AGO1: variants seen among roughly 807,000 people sequenced by gnomAD.
AGO1 encodes argonaute RISC component 1, also known as protein argonaute-1.
Under a neutral mutation model 109.2 loss-of-function variants are expected in AGO1, and 11 were observed. That is an observed-to-expected ratio of 0.10 (90% CI 0.06 to 0.17). The LOEUF (loss-of-function observed/expected upper bound fraction) is 0.17, where lower values mean the gene tolerates loss of function less well. Among genes scored for constraint, AGO1 ranks in the 10% least tolerant of loss-of-function variants. AGO1 has a pLI of 1.00. For synonymous variants in AGO1, 422 were observed against 418.6 expected (o/e 1.01, Z -0.10); for missense variants, 574 against 1,140.3 (o/e 0.50, Z 7.15).
rs147468270 is a variant in AGO1 at position 35,872,903 on chromosome 1, TTTTG to T, written c.-201+3028_-201+3031del. On this transcript the variant is annotated intron_variant, in intron 1 of 18. Transcript: ENST00000373206. ...GGTCTATTTCTGTTCTTTTCAGTTTTTTTGTTTGTTTGTTTGTTTGTTTGTTTGT... is the reference window on the plus strand; with the variant it reads ...GGTCTATTTCTGTTCTTTTCAGTTTTTTTGTTTGTTTGTTTGTTTGTTTGT... Among the ~76,000 whole-genome samples the T allele has an allele frequency of 4.6e-3, 698 of 151,890 alleles. 4 individuals are homozygous for T. The highest frequency in any genetic ancestry group is 0.011 in the African/African-American group (451 of 41,314).
At position 35,923,588 on chromosome 1, in the gene AGO1, A is replaced by G. The variant is rs558270328; in HGVS notation, c.*3981A>G. 5 of 152,794 alleles carry G rather than the reference A, an allele frequency of 3.3e-5. No individual in the cohort carries two copies. The highest frequency in any genetic ancestry group is 1.2e-4 in the African/African-American group (5 of 41,588). The allele number at this position is 152,794 out of a possible 1,614,324, so 9.5% of individuals were successfully genotyped here. A position where few individuals can be genotyped will look rare whatever the true frequency, so the allele number is the denominator to read the frequency against. On this transcript the variant is annotated 3_prime_UTR_variant, in exon 19 of 19. Transcript: ENST00000373204. ...CTTAAAATCTGATCATGGCAGGGAT[A>G]TGCAGGGCACTTTTTACTATTTGGC...
At chr1:35,872,974 G>A (rs886254580) in intron 1 of AGO1, among the ~76,000 whole-genome samples, 9 of 151,714 alleles carry the variant, frequency 5.9e-5, no homozygotes, top group Non-Finnish European at 7.4e-5. Flanking sequence ...GGCTGGTCTT[G>A]AACTCAGGGC....
At position 35,883,974 on chromosome 1, in the gene AGO1, C is replaced by T. The variant is rs751689949; in HGVS notation, c.25+528C>T. The stretch of plus-strand genomic sequence containing the variant: ...TGGGGACCCAGTCCCGGGATTACCC[C>T]CCGTGGGTCTGGGGAGTCGGAGCGG... On this transcript the variant is annotated intron_variant, in intron 1 of 18. Transcript: ENST00000373204. This position sits in a 1 kb window ranked among gnomAD's most constrained non-coding sequence, Gnocchi z 5.4. Among the ~76,000 whole-genome samples, 1 of 152,216 alleles carries T rather than the reference C, an allele frequency of 6.6e-6. No homozygotes were observed. The highest frequency in any genetic ancestry group is 1.9e-4 in the East Asian group (1 of 5,198).
At chr1:35,917,828 T>C in intron 16 of AGO1, 101 bp downstream of exon 16, 10 of 1,499,392 alleles carry the variant, frequency 6.7e-6, no homozygotes, top group Non-Finnish European at 9.0e-6. Flanking sequence ...GTCCTTGTCC[T>C]ATCTATCCTC....
intron 7 of AGO1, among the ~76,000 whole-genome samples, 192 bp from the exon 8 acceptor site, chr1:35,894,930 C>T (rs561832713): frequency 6.6e-6 from 1 of 152,148 alleles, no homozygotes; most frequent in South Asian, 2.1e-4. Flanking sequence ...CCCTGTATGT[C>T]CTGTTTTCCC....
intron 11 of AGO1, among the ~76,000 whole-genome samples, chr1:35,904,503 G>A (rs1414358781): frequency 6.6e-6 from 1 of 152,140 alleles, no homozygotes; most frequent in East Asian, 1.9e-4. Flanking sequence ...CTTCATTGTA[G>A]TTCTATTCTC....
At position 35,888,311 on chromosome 1, in the gene AGO1, G is replaced by T; in HGVS notation, c.26-116G>T. On this transcript the variant is annotated intron_variant, in intron 1 of 18. Coordinates refer to ENST00000373204, the MANE Select transcript of AGO1 (RefSeq NM_012199.5). This position sits in a 1 kb window ranked among gnomAD's most constrained non-coding sequence, Gnocchi z 4.1. ...AGCCCTTGGCTGGGTTGGGTAGCAG[G>T]AAAGAGGCATTCTCTATACTCTCGT... 1 of 1,064,676 alleles carries T rather than the reference G, an allele frequency of 9.4e-7. No homozygotes were observed. 66.0% of individuals were successfully genotyped at this position (1,064,676 alleles called of 1,614,324 possible).
chr1:35,875,789 C>G (rs1207562471), intron 1 of AGO1, among the ~76,000 whole-genome samples: 1 of 152,174 alleles, frequency 6.6e-6, no homozygotes, highest in Non-Finnish European at 1.5e-5. Context: ...ATTACTGCTC[C>G]TTGACAGTGC....
At chr1:35,872,726 TG>T (rs1053475049) in intron 1 of AGO1, among the ~76,000 whole-genome samples, 2 of 151,926 alleles carry the variant, frequency 1.3e-5, no homozygotes, top group Non-Finnish European at 2.9e-5. Flanking sequence ...GATGTACCAC[TG>T]GGCCCAGCTA....
Position 35,883,508 on chromosome 1 carries a change from A to G in AGO1, c.25+62A>G, listed in dbSNP as rs1276642961. On this transcript the variant is annotated intron_variant, in intron 1 of 18. Transcript: ENST00000373204. The surrounding 1 kb of genome is among the most constrained non-coding windows in gnomAD (Gnocchi z 5.4). The stretch of plus-strand genomic sequence containing the variant: ...AAGGACTGGGGGATCCCGCATGAAA[A>G]GCGTGGTTTCCAAGTGATGGAAGCG... The G allele has an allele frequency of 1.4e-6, 2 of 1,479,750 alleles. No homozygotes were observed. Among genetic ancestry groups the G allele is most frequent in the Admixed American group, 5.6e-5 (2 of 35,842 alleles). The allele number at this position is 1,479,750 out of a possible 1,614,324, so 91.7% of individuals were successfully genotyped here. A position where few individuals can be genotyped will look rare whatever the true frequency, so the allele number is the denominator to read the frequency against.
intron 8 of AGO1, among the ~76,000 whole-genome samples, chr1:35,899,921 A>C (rs1216921023): frequency 6.6e-6 from 1 of 152,204 alleles, no homozygotes; most frequent in Non-Finnish European, 1.5e-5. Flanking sequence ...AACATCACCT[A>C]GAAATGGCAA....
chr1:35,919,734 C>T lies in AGO1; in HGVS notation c.*127C>T, dbSNP rs1571381191. 2 of 806,222 alleles carry T rather than the reference C, an allele frequency of 2.5e-6. No homozygotes were observed. Among genetic ancestry groups the T allele is most frequent in the East Asian group, 2.7e-5 (1 of 37,134 alleles). The allele number at this position is 806,222 out of a possible 1,614,324, so 49.9% of individuals were successfully genotyped here. A position where few individuals can be genotyped will look rare whatever the true frequency, so the allele number is the denominator to read the frequency against. On this transcript the variant is annotated 3_prime_UTR_variant, in exon 19 of 19. Transcript: ENST00000373204. The surrounding 1 kb of genome is among the most constrained non-coding windows in gnomAD (Gnocchi z 6.6). The stretch of plus-strand genomic sequence containing the variant: ...GGGAGGAGTGTAGGATGCCTTGTTT[C>T]CTTCTATAGAGGTGGTGTAAGAGTG...
chr1:35,883,543 G>A lies in AGO1; in HGVS notation c.25+97G>A. 1 of 1,427,232 alleles carries A rather than the reference G, an allele frequency of 7.0e-7. No homozygotes were observed. The highest frequency in any genetic ancestry group is 9.2e-7 in the Non-Finnish European group (1 of 1,088,910). 88.4% of individuals were successfully genotyped at this position (1,427,232 alleles called of 1,614,324 possible). On this transcript the variant is annotated intron_variant, in intron 1 of 18. Transcript: ENST00000373204. The surrounding 1 kb of genome is among the most constrained non-coding windows in gnomAD (Gnocchi z 5.4). ...CCAAGTGATGGAAGCGCTCCTGAGTGAGGAGAAGGGCTCTCCCACGATGGG... is the reference window on the plus strand; with the variant it reads ...CCAAGTGATGGAAGCGCTCCTGAGTAAGGAGAAGGGCTCTCCCACGATGGG...
intron 8 of AGO1, among the ~76,000 whole-genome samples, chr1:35,895,875 C>T (rs994815425): frequency 6.6e-6 from 1 of 152,190 alleles, no homozygotes; most frequent in Non-Finnish European, 1.5e-5. Context: ...AAACTACTGC[C>T]TACTGCTTCA....
At position 35,896,059 on chromosome 1, in the gene AGO1, G is replaced by A. The variant is rs550840350; in HGVS notation, c.1020+790G>A. Among the ~76,000 whole-genome samples the A allele has an allele frequency of 2.0e-5, 3 of 152,200 alleles. No individual in the cohort carries two copies. In the East Asian group the frequency reaches 5.8e-4, roughly 29 times the overall value. On this transcript the variant is annotated intron_variant, in intron 8 of 18. Coordinates refer to ENST00000373204, the MANE Select transcript of AGO1 (RefSeq NM_012199.5). Reference sequence around the variant, plus strand: ...TTGTTGCCCAGGCTGGAGTGCAATGGCATGATGTTGGCTCACTGCAACCTC... The same window carrying A: ...TTGTTGCCCAGGCTGGAGTGCAATGACATGATGTTGGCTCACTGCAACCTC...
chr1:35,914,999 ATTGT>A (rs1427575181), intron 14 of AGO1, among the ~76,000 whole-genome samples: 2 of 152,150 alleles, frequency 1.3e-5, no homozygotes, highest in African/African-American at 2.4e-5. Flanking sequence ...GGATGAGGCC[ATTGT>A]TTGATTTAGT....
chr1:35,871,356 G>T (rs1447529431), intron 1 of AGO1, among the ~76,000 whole-genome samples: 1 of 151,402 alleles, frequency 6.6e-6, no homozygotes, highest in Non-Finnish European at 1.5e-5. Context: ...GACCAGTCTG[G>T]TCAACATGAA....
Position 35,926,862 on chromosome 1 carries a change from C to T in AGO1, c.*7255C>T, listed in dbSNP as rs1285655950. The T allele has an allele frequency of 6.6e-6, 1 of 152,030 alleles. No individual in the cohort carries two copies. Among genetic ancestry groups the T allele is most frequent in the African/African-American group, 2.4e-5 (1 of 41,386 alleles). The allele number at this position is 152,030 out of a possible 1,614,324, so 9.4% of individuals were successfully genotyped here. A position where few individuals can be genotyped will look rare whatever the true frequency, so the allele number is the denominator to read the frequency against. ...GGTTTTTTAGGCCTTTGTGGCTTAC[C>T]CTGCAGGAACATACTGTGTCCTGTT... On this transcript the variant is annotated 3_prime_UTR_variant, in exon 19 of 19. Coordinates refer to ENST00000373204, the MANE Select transcript of AGO1 (RefSeq NM_012199.5).
At chr1:35,895,366 G>C in intron 8 of AGO1, 97 bp downstream of exon 8, 1 of 1,356,806 alleles carries the variant, frequency 7.4e-7, no homozygotes, top group Non-Finnish European at 9.9e-7. Flanking sequence ...TTGGAAAACT[G>C]ACATTCTGAG....
Sources: allele counts gnomAD v4.1 joint callset (sites outside exome capture counted in the v4.1 genomes callset), GRCh38; gene constraint gnomAD v4.1.1; non-coding constraint Gnocchi (gnomAD v3.1); transcripts MANE v1.5; gene names NCBI Gene and HGNC (gene_info 2026-07-23, HGNC 2026-07-21).